The following UTP14A variants were observed in gnomAD, a reference collection of about 807,000 sequenced individuals.
The protein encoded by UTP14A is U3 small nucleolar RNA-associated protein 14 homolog A.
Under a neutral mutation model 57.2 loss-of-function variants are expected in UTP14A, and 5 were observed. That is an observed-to-expected ratio of 0.09 (90% CI 0.05 to 0.18). The LOEUF (loss-of-function observed/expected upper bound fraction) is 0.18. Ranked by LOEUF, UTP14A falls within the 10% of genes least tolerant of loss-of-function variation. UTP14A has a pLI of 1.00. For synonymous variants in UTP14A, 169 were observed against 210.9 expected (o/e 0.80, Z 1.72); for missense variants, 430 against 562.1 (o/e 0.76, Z 2.38).
chrX:129,908,421 C>G, intron 3 of UTP14A: 1 of 415,895 alleles, frequency 2.4e-6, no homozygotes, highest in Non-Finnish European at 4.2e-6. Flanking sequence ...GTTACAGGTT[C>G]AGGTGTGTTT....
chrX:129,922,183 T>C (rs1465704002), intron 11 of UTP14A: 1 of 112,334 alleles, frequency 8.9e-6, no homozygotes, highest in Non-Finnish European at 1.9e-5. Context: ...TTGTATGTTA[T>C]ATTTTCTACC....
chrX:129,911,568 C>T (rs1929468754), intron 5 of UTP14A, among the ~76,000 whole-genome samples, 198 bp from the exon 6 acceptor site: 2 of 111,196 alleles, frequency 1.8e-5, no homozygotes, highest in African/African-American at 6.5e-5. Flanking sequence ...GAAACTCCAT[C>T]TAAATAATAA....
At chrX:129,923,876 G>A (rs1222930786) in intron 11 of UTP14A, among the ~76,000 whole-genome samples, 2 of 111,098 alleles carry the variant, frequency 1.8e-5, no homozygotes, top group African/African-American at 3.3e-5. Flanking sequence ...TTTACTGCAC[G>A]AGGAACTTAA....
intron 4 of UTP14A, 74 bp from the exon 5 acceptor site, chrX:129,910,934 G>A (rs996840348): frequency 1.7e-6 from 2 of 1,143,631 alleles, no homozygotes; most frequent in African/African-American, 1.8e-5. Flanking sequence ...ATTTTCTACT[G>A]AGGCTTCTCC....
At chrX:129,921,103 T>C in intron 10 of UTP14A, 91 bp from the exon 11 acceptor site, 2 of 1,137,661 alleles carry the variant, frequency 1.8e-6, no homozygotes, top group Non-Finnish European at 2.3e-6. Flanking sequence ...CCAAGTCAAA[T>C]TGAGAGGAGG....
chrX:129,910,541 T>G (rs1258267560), intron 4 of UTP14A, among the ~76,000 whole-genome samples: 1 of 111,022 alleles, frequency 9.0e-6, no homozygotes, highest in Non-Finnish European at 1.9e-5. Context: ...ATTAAAAAAA[T>G]TAACCACGCG....
chrX:129,914,553 A>AG (rs1404072772), intron 6 of UTP14A, among the ~76,000 whole-genome samples: 1 of 108,946 alleles, frequency 9.2e-6, no homozygotes, highest in East Asian at 2.8e-4. Flanking sequence ...CTCCAGCCTG[A>AG]GGAAAAAAAA....
chrX:129,913,104 A>G (rs1243665400), intron 6 of UTP14A, among the ~76,000 whole-genome samples: 11 of 111,931 alleles, frequency 9.8e-5, no homozygotes, highest in Non-Finnish European at 5.6e-5. Context: ...TTAGTCTTAA[A>G]TAGATGCCCT....
intron 14 of UTP14A, among the ~76,000 whole-genome samples, chrX:129,926,611 C>T (rs1025679657): frequency 3.6e-5 from 4 of 112,116 alleles, no homozygotes; most frequent in African/African-American, 9.7e-5. Context: ...GAAGACAAAC[C>T]GGTACTTGTT....
Position 129,921,042 on chromosome X carries a change from C to G in UTP14A, c.955-152C>G. The G allele has an allele frequency of 3.6e-6, 4 of 1,108,378 alleles. No homozygotes were observed. The South Asian group carries it at 6.7e-5, about 19-fold the overall frequency. 91.3% of individuals were successfully genotyped at this position (1,108,378 alleles called of 1,213,427 possible). A position where few individuals can be genotyped will look rare whatever the true frequency, so the allele number is the denominator to read the frequency against. ...TTCCATTTTATACCATAGCTATTAA[C>G]CCAGCATTGTATATGCAGTTTAAAC... On this transcript the variant is annotated intron_variant, in intron 10 of 14. Transcript: ENST00000394422.
chrX:129,908,649 T>C (rs1929344123), intron 3 of UTP14A, 21 bp from the exon 4 acceptor site: 1 of 1,204,243 alleles, frequency 8.3e-7, no homozygotes, highest in African/African-American at 1.7e-5. Flanking sequence ...ATTCCTATTA[T>C]ATCGTTTTGC....
intron 5 of UTP14A, 103 bp downstream of exon 5, chrX:129,911,253 GGAGTTGTGATTTCCCCACT>G (rs1433286235): frequency 9.7e-7 from 1 of 1,027,083 alleles, no homozygotes; most frequent in Non-Finnish European, 1.3e-6. Flanking sequence ...GGGAGAAGGG[GGAGTTGTGATTTCCCCACT>G]ATGGATAAGA....
intron 6 of UTP14A, among the ~76,000 whole-genome samples, chrX:129,917,826 C>T (rs759967940): frequency 9.0e-6 from 1 of 110,717 alleles, no homozygotes; most frequent in Non-Finnish European, 1.9e-5. Flanking sequence ...GCCACCATGC[C>T]CATCCTATAT....
At chrX:129,912,354 C>G (rs781049712) in intron 6 of UTP14A, among the ~76,000 whole-genome samples, 36 of 108,959 alleles carry the variant, frequency 3.3e-4, no homozygotes, top group African/African-American at 1.2e-3. Context: ...CTCCTGACCT[C>G]AAATGATCCG....
At chrX:129,907,194 T>C (rs992402465) in intron 1 of UTP14A, among the ~76,000 whole-genome samples, 173 bp from the exon 2 acceptor site, 1 of 111,499 alleles carries the variant, frequency 9.0e-6, no homozygotes, top group Non-Finnish European at 1.9e-5. Context: ...GGGATAGGGC[T>C]ATTCTGTGCT....
chrX:129,927,707 A>G (rs1337859255), intron 14 of UTP14A, among the ~76,000 whole-genome samples: 1 of 111,323 alleles, frequency 9.0e-6, no homozygotes, highest in Non-Finnish European at 1.9e-5. Flanking sequence ...GGGTTTCACC[A>G]TGTTGGCCAG....
At chrX:129,916,465 G>C (rs1056287924) in intron 6 of UTP14A, among the ~76,000 whole-genome samples, 1 of 111,201 alleles carries the variant, frequency 9.0e-6, no homozygotes, top group Non-Finnish European at 1.9e-5. Context: ...ACTTAGGTTG[G>C]AAACCTCAGT....
chrX:129,908,320 A>G, intron 3 of UTP14A, 190 bp downstream of exon 3: 1 of 430,565 alleles, frequency 2.3e-6, no homozygotes, highest in Middle Eastern at 5.1e-4. Context: ...GTCTTATTCC[A>G]CACTGAAAAT....
In UTP14A at chrX:129,911,255, A is replaced by G. The variant is rs1455826024; in HGVS notation, c.381+105A>G. 5 of 1,008,851 alleles carry G rather than the reference A, an allele frequency of 5.0e-6. No individual in the cohort carries two copies. In the East Asian group the frequency reaches 1.5e-4, roughly 31 times the overall value. 83.1% of individuals were successfully genotyped at this position (1,008,851 alleles called of 1,213,427 possible). The stretch of plus-strand genomic sequence containing the variant: ...AGACCTGAAAAATGGGAGAAGGGGG[A>G]GTTGTGATTTCCCCACTATGGATAA... On this transcript the variant is annotated intron_variant, in intron 5 of 14. Coordinates refer to ENST00000394422, the MANE Select transcript of UTP14A (RefSeq NM_006649.4).
Sources: allele counts gnomAD v4.1 joint callset (sites outside exome capture counted in the v4.1 genomes callset), GRCh38; gene constraint gnomAD v4.1.1; transcripts MANE v1.5; gene names NCBI Gene and HGNC (gene_info 2026-07-23, HGNC 2026-07-21).